SLC8B1: variants seen among roughly 807,000 people sequenced by gnomAD.
SLC8B1 encodes the protein solute carrier family 8 member B1, also known as mitochondrial sodium/calcium exchanger protein.
SLC8B1 carries 52 observed loss-of-function variants against 63.4 expected under a neutral mutation model. The observed-to-expected ratio is 0.82, with a 90% CI of 0.66 to 1.03. SLC8B1 has a LOEUF of 1.03. SLC8B1 is among the 50% of genes least tolerant of loss of function. The probability of loss-of-function intolerance (pLI) is 0.00; values close to 1 mark genes in which losing one functional copy is unlikely to be tolerated. For missense variants in SLC8B1, 657 were observed against 741.7 expected, an observed-to-expected ratio of 0.89 and a Z score of 1.33; for synonymous variants, 336 against 323.9, an observed-to-expected ratio of 1.04 and a Z score of -0.40.
rs897572143 is a variant in SLC8B1 at position 113,305,973 on chromosome 12, T to C, written c.1492+522A>G. Among the ~76,000 whole-genome samples the C allele has an allele frequency of 6.8e-6, 1 of 147,296 alleles. No homozygotes were observed. Among genetic ancestry groups the C allele is most frequent in the Non-Finnish European group, 1.5e-5 (1 of 67,580 alleles). ...ACTCAGAAGACTGAGGCAGGAGAAT[T>C]GCTTGAACCCGGAAGGCAGAAATTG... On this transcript the variant is annotated intron_variant, in intron 14 of 15. Coordinates refer to ENST00000680972, the MANE Select transcript of SLC8B1 (RefSeq NM_001358345.2). This position sits in a 1 kb window ranked among gnomAD's most constrained non-coding sequence, Gnocchi z 4.3.
At chr12:113,302,451 C>A (rs1252734798) in intron 15 of SLC8B1, 4 of 288,292 alleles carry the variant, frequency 1.4e-5, no homozygotes, top group Non-Finnish European at 2.8e-5. Flanking sequence ...GTTGTCAGCC[C>A]CCTGGTTTGT....
intron 15 of SLC8B1, among the ~76,000 whole-genome samples, chr12:113,303,918 T>C (rs1347461754): frequency 6.6e-6 from 1 of 152,170 alleles, no homozygotes; most frequent in African/African-American, 2.4e-5. Context: ...TCTCACTCTG[T>C]CGCCCAGGCT....
chr12:113,320,084 C>G lies in SLC8B1; in HGVS notation c.694+247G>C. ...CTGGGATGATAGGTGTGAGCCATCA[C>G]GCTTGGCCAAAAAATTGTGACACTT... On this transcript the variant is annotated intron_variant, in intron 7 of 15. Transcript: ENST00000680972. This position sits in a 1 kb window ranked among gnomAD's most constrained non-coding sequence, Gnocchi z 5.3. The G allele has an allele frequency of 4.0e-6, 2 of 495,850 alleles. No individual in the cohort carries two copies. The highest frequency in any genetic ancestry group is 2.5e-5 in the South Asian group (1 of 39,914). The allele number at this position is 495,850 out of a possible 1,614,324, so 30.7% of individuals were successfully genotyped here. A position where few individuals can be genotyped will look rare whatever the true frequency, so the allele number is the denominator to read the frequency against.
Position 113,300,572 on chromosome 12 carries a change from A to ACTGGCCTGCAGCAGC in SLC8B1, c.1558-613_1558-599dup, listed in dbSNP as rs1386986332. ...ACCAGCTGGGGGCCACTTAAGGAAG[A>ACTGGCCTGCAGCAGC]CTGGCCTGCAGCAGCCCGGCCTGCC... is the stretch of plus-strand genomic sequence containing the variant. On this transcript the variant is annotated intron_variant, in intron 15 of 15. Transcript: ENST00000680972. 3.3e-5 allele frequency among the ~76,000 whole-genome samples: 5 copies of ACTGGCCTGCAGCAGC among 152,218 alleles called. No homozygotes were observed. In the East Asian group the frequency reaches 9.6e-4, roughly 29 times the overall value.
intron 11 of SLC8B1, among the ~76,000 whole-genome samples, chr12:113,312,886 G>A (rs888526833): frequency 4.6e-5 from 7 of 152,006 alleles, no homozygotes; most frequent in East Asian, 3.9e-4. Flanking sequence ...TAGGAGGACC[G>A]AGTAAGGTGG....
intron 13 of SLC8B1, among the ~76,000 whole-genome samples, chr12:113,307,150 A>C (rs943097945): frequency 1.5e-5 from 2 of 129,718 alleles, no homozygotes; most frequent in South Asian, 2.5e-4. Flanking sequence ...AAAAAAAAAA[A>C]ACTACGGCTA....
chr12:113,321,861 G>T (rs1278383708), intron 2 of SLC8B1, among the ~76,000 whole-genome samples: 3 of 151,814 alleles, frequency 2.0e-5, no homozygotes, highest in Non-Finnish European at 4.4e-5. Context: ...AAAGCATAGT[G>T]CTAAGAGCTT....
rs200191272 is a variant in SLC8B1 at position 113,320,275 on chromosome 12, T to C, written c.694+56A>G. Reference sequence around the variant, plus strand: ...ACACCTCTCTGTCCCAGGCACCTCCTAAACCTCCTGCCCATCAGCCCTGGG... The same window carrying C: ...ACACCTCTCTGTCCCAGGCACCTCCCAAACCTCCTGCCCATCAGCCCTGGG... On this transcript the variant is annotated intron_variant, in intron 7 of 15. Coordinates refer to ENST00000680972, the MANE Select transcript of SLC8B1 (RefSeq NM_001358345.2). This position sits in a 1 kb window ranked among gnomAD's most constrained non-coding sequence, Gnocchi z 5.3. 2.5e-6 allele frequency: 4 copies of C among 1,588,228 alleles called. No homozygotes were observed. Among genetic ancestry groups the C allele is most frequent in the Non-Finnish European group, 2.6e-6 (3 of 1,166,602 alleles).
At chr12:113,311,620 CA>C (rs935729602) in intron 11 of SLC8B1, among the ~76,000 whole-genome samples, 36 of 134,110 alleles carry the variant, frequency 2.7e-4, no homozygotes, top group East Asian at 1.1e-3. Flanking sequence ...GATCTTGTCT[CA>C]AAAAAAAAAA....
chr12:113,302,163 TA>T, intron 15 of SLC8B1: 1 of 154,898 alleles, frequency 6.5e-6, no homozygotes, highest in Non-Finnish European at 1.4e-5. Flanking sequence ...TTTGCAAATA[TA>T]ATAAGCTAAG....
intron 13 of SLC8B1, chr12:113,306,956 C>T (rs1449995300): frequency 7.6e-6 from 2 of 263,620 alleles, no homozygotes; most frequent in Non-Finnish European, 1.4e-5. Context: ...ATTAAAAATA[C>T]AAAAATTAGC....
At position 113,321,261 on chromosome 12, in the gene SLC8B1, C is replaced by G. The variant is rs777418095; in HGVS notation, c.244G>C (p.Asp82His). 1.2e-6 allele frequency: 2 copies of G among 1,614,126 alleles called. No homozygotes were observed. Among genetic ancestry groups the G allele is most frequent in the South Asian group, 1.1e-5 (1 of 91,088 alleles). Residue 82 changes from aspartate (D) to histidine (H), a missense_variant, in exon 3 of 16, where the codon GAC becomes CAC. By Grantham distance (81) the Asp-to-His change is moderately conservative. Transcript: ENST00000680972. Reference sequence around the variant, plus strand: ...TGGCAGAAGATGCCTTCCAGGTAGTCCAGGTACCCCCCATCACTGTGGCAG... The same window carrying G: ...TGGCAGAAGATGCCTTCCAGGTAGTGCAGGTACCCCCCATCACTGTGGCAG... ...PDCHSDGGYL[D>H]YLEGIFCHFP...
At chr12:113,314,512 C>T (rs1487879140) in intron 11 of SLC8B1, among the ~76,000 whole-genome samples, 7 of 152,216 alleles carry the variant, frequency 4.6e-5, no homozygotes, top group African/African-American at 1.4e-4. Flanking sequence ...CAAGCCTGGG[C>T]GTTTCCTCAG....
intron 2 of SLC8B1, among the ~76,000 whole-genome samples, chr12:113,331,196 G>A (rs1957049977): frequency 6.6e-6 from 1 of 151,864 alleles, no homozygotes; most frequent in South Asian, 2.1e-4. Flanking sequence ...ATACCAGCCT[G>A]GCCAACATGG....
rs952016890 is a variant in SLC8B1 at position 113,305,620 on chromosome 12, T to A, written c.1492+875A>T. On this transcript the variant is annotated intron_variant, in intron 14 of 15. Transcript: ENST00000680972. This position sits in a 1 kb window ranked among gnomAD's most constrained non-coding sequence, Gnocchi z 4.3. Reference sequence around the variant, plus strand: ...GCAAACATCAGCCCTCCGGCCAAATTTGGCCCACTAACTGCTTTTATAAAT... The same window carrying A: ...GCAAACATCAGCCCTCCGGCCAAATATGGCCCACTAACTGCTTTTATAAAT... Among the ~76,000 whole-genome samples, 1 of 152,228 alleles carries A rather than the reference T, an allele frequency of 6.6e-6. No individual in the cohort carries two copies. The highest frequency in any genetic ancestry group is 2.1e-4 in the South Asian group (1 of 4,834).
chr12:113,306,414 T>C, intron 14 of SLC8B1, 81 bp downstream of exon 14: 1 of 1,222,906 alleles, frequency 8.2e-7, no homozygotes, highest in Non-Finnish European at 1.1e-6. Flanking sequence ...CGAGAACCAA[T>C]CCCCAGGGTG....
intron 7 of SLC8B1, 25 bp from the exon 8 acceptor site, chr12:113,319,096 C>G: frequency 1.9e-6 from 3 of 1,550,030 alleles, no homozygotes; most frequent in Non-Finnish European, 2.7e-6. Context: ...CACGCCGTCA[C>G]CAAGTGGTGT....
chr12:113,323,194 G>T (rs1566241251), intron 2 of SLC8B1, among the ~76,000 whole-genome samples: 1 of 152,132 alleles, frequency 6.6e-6, no homozygotes, highest in East Asian at 1.9e-4. Flanking sequence ...CTGGCAACTG[G>T]AAGTCAACAA....
chr12:113,300,358 C>G (rs1019832263), intron 15 of SLC8B1, among the ~76,000 whole-genome samples: 1 of 152,200 alleles, frequency 6.6e-6, no homozygotes, highest in Non-Finnish European at 1.5e-5. Flanking sequence ...ATTAGCCAGA[C>G]ATGGCAGTGT....
Sources: allele counts gnomAD v4.1 joint callset (sites outside exome capture counted in the v4.1 genomes callset), GRCh38; gene constraint gnomAD v4.1.1; non-coding constraint Gnocchi (gnomAD v3.1); transcripts MANE v1.5; gene names NCBI Gene and HGNC (gene_info 2026-07-23, HGNC 2026-07-21).